Variants in CACNA2D3 observed in about 807,000 individuals in gnomAD.
CACNA2D3 encodes the protein voltage-dependent calcium channel subunit alpha-2/delta-3.
A neutral mutation model predicts 160.6 loss-of-function variants in CACNA2D3; 60 were observed. That is an observed-to-expected ratio of 0.37 (90% CI 0.30 to 0.46). The LOEUF is 0.46. Among genes scored for constraint, CACNA2D3 ranks in the 20% least tolerant of loss-of-function variants. CACNA2D3 has a pLI of 1.00. For synonymous variants in CACNA2D3, 558 were observed against 492.9 expected (o/e 1.13, Z -1.75); for missense variants, 1,205 against 1,365.0 (o/e 0.88, Z 1.85).
At chr3:54,425,120 A>G (rs1260053343) in intron 4 of CACNA2D3, among the ~76,000 whole-genome samples, 1 of 152,224 alleles carries the variant, frequency 6.6e-6, no homozygotes, top group East Asian at 1.9e-4. Flanking sequence ...GCCTGAGGTC[A>G]GGAGTTCGAG....
At chr3:54,429,179 T>G (rs912020184) in intron 4 of CACNA2D3, among the ~76,000 whole-genome samples, 23 of 151,530 alleles carry the variant, frequency 1.5e-4, no homozygotes, top group Non-Finnish European at 7.4e-5. Context: ...ATGAGCTACA[T>G]TTTTTTCCCC....
chr3:54,544,721 A>G (rs879738711), intron 5 of CACNA2D3, among the ~76,000 whole-genome samples: 6 of 152,168 alleles, frequency 3.9e-5, no homozygotes, highest in South Asian at 2.1e-4. Context: ...TAAAATTTTT[A>G]CTTTGTAACC....
chr3:54,792,655 A>G (rs75088635), intron 13 of CACNA2D3, among the ~76,000 whole-genome samples: 6,073 of 152,146 alleles, frequency 0.04, 200 homozygotes, highest in Non-Finnish European at 0.056. Context: ...TTATCCTACC[A>G]GTATAGCCCT....
intron 2 of CACNA2D3, among the ~76,000 whole-genome samples, chr3:54,208,131 G>C (rs1701305093): frequency 6.6e-6 from 1 of 152,202 alleles, no homozygotes. Context: ...TTGAGATGGA[G>C]TTTTGCTCTT....
At chr3:54,631,303 GCA>G (rs201508907) in intron 10 of CACNA2D3, among the ~76,000 whole-genome samples, 1,723 of 152,102 alleles carry the variant, frequency 0.011, 114 homozygotes, top group Admixed American at 0.1. Flanking sequence ...TTGTTTGAGT[GCA>G]CATTTATCTC....
intron 11 of CACNA2D3, among the ~76,000 whole-genome samples, chr3:54,735,773 A>G (rs1306158717): frequency 6.6e-6 from 1 of 151,706 alleles, no homozygotes; most frequent in Non-Finnish European, 1.5e-5. Context: ...TCCTCTGTAA[A>G]TTTTTATTAA....
intron 4 of CACNA2D3, among the ~76,000 whole-genome samples, chr3:54,465,479 T>G (rs1384732633): frequency 2.6e-5 from 4 of 152,192 alleles, no homozygotes; most frequent in Non-Finnish European, 5.9e-5. Flanking sequence ...AAAAACATAG[T>G]GTATACAGGG....
intron 13 of CACNA2D3, among the ~76,000 whole-genome samples, chr3:54,802,704 A>G (rs4630912): frequency 0.26 from 38,828 of 151,822 alleles, 5,214 homozygotes; most frequent in African/African-American, 0.33. Flanking sequence ...GAAGAGAGCA[A>G]TGGTTCTCCC....
At position 54,675,377 on chromosome 3, in the gene CACNA2D3, G is replaced by A. The variant is rs1212306162; in HGVS notation, c.1167+33136G>A. On this transcript the variant is annotated intron_variant, in intron 11 of 37. Transcript: ENST00000474759. ...ACACAAGGAGTTTGGGACAACAAAG[G>A]AACGGCTGGACAGAGGCAGTCATGT... Among the ~76,000 whole-genome samples, 3 of 152,206 alleles carry A rather than the reference G, an allele frequency of 2.0e-5. No individual in the cohort carries two copies. The South Asian group carries it at 6.2e-4, about 31-fold the overall frequency.
intron 11 of CACNA2D3, among the ~76,000 whole-genome samples, chr3:54,668,794 T>C (rs539777056): frequency 9.5e-4 from 144 of 151,806 alleles, no homozygotes; most frequent in African/African-American, 3.1e-3. Context: ...TCATGCAGCC[T>C]GGAAGGCCGT....
At chr3:54,155,966 G>T (rs759679514) in intron 2 of CACNA2D3, among the ~76,000 whole-genome samples, 22 of 152,174 alleles carry the variant, frequency 1.4e-4, no homozygotes, top group Admixed American at 2.6e-4. Flanking sequence ...CTTTTCAACT[G>T]AGGTTTTACC....
At chr3:54,709,795 A>T (rs1436862357) in intron 11 of CACNA2D3, among the ~76,000 whole-genome samples, 1 of 152,142 alleles carries the variant, frequency 6.6e-6, no homozygotes, top group Non-Finnish European at 1.5e-5. Context: ...AAATGATGGC[A>T]TGTGCCTGTG....
intron 5 of CACNA2D3, among the ~76,000 whole-genome samples, chr3:54,558,387 C>CT (rs1443166388): frequency 1.3e-5 from 2 of 151,914 alleles, no homozygotes; most frequent in Admixed American, 1.3e-4. Context: ...GTTTAACCTT[C>CT]TAAACAGGTC....
At chr3:54,710,777 A>G (rs1700938638) in intron 11 of CACNA2D3, among the ~76,000 whole-genome samples, 1 of 152,224 alleles carries the variant, frequency 6.6e-6, no homozygotes. Context: ...CATTGAGTGT[A>G]GTGGGAATAC....
chr3:54,163,244 A>T (rs1700382654), intron 2 of CACNA2D3, among the ~76,000 whole-genome samples: 1 of 152,234 alleles, frequency 6.6e-6, no homozygotes, highest in African/African-American at 2.4e-5. Context: ...ACCAAATCTC[A>T]GTGTCCTACA....
At chr3:54,760,734 A>G (rs1702066585) in intron 12 of CACNA2D3, among the ~76,000 whole-genome samples, 1 of 152,084 alleles carries the variant, frequency 6.6e-6, no homozygotes, top group Non-Finnish European at 1.5e-5. Context: ...CTGGTGTATT[A>G]CATATGGGGT....
intron 17 of CACNA2D3, among the ~76,000 whole-genome samples, chr3:54,846,859 A>AAATTAGACCCAAG (rs1247504121): frequency 6.6e-6 from 1 of 152,210 alleles, no homozygotes; most frequent in Non-Finnish European, 1.5e-5. Context: ...TTGACACGAT[A>AAATTAGACCCAAG]AATTAGACCC....
intron 13 of CACNA2D3, among the ~76,000 whole-genome samples, chr3:54,764,991 C>T (rs1702193023): frequency 6.6e-6 from 1 of 151,996 alleles, no homozygotes; most frequent in African/African-American, 2.4e-5. Context: ...TATGTAATCT[C>T]AGGGTGATTT....
At chr3:54,507,473 C>G (rs1188683427) in intron 5 of CACNA2D3, among the ~76,000 whole-genome samples, 3 of 152,186 alleles carry the variant, frequency 2.0e-5, no homozygotes, top group Admixed American at 6.5e-5. Flanking sequence ...CTTGTGCCCC[C>G]TTTACCCCTG....
Sources: allele counts gnomAD v4.1 joint callset (sites outside exome capture counted in the v4.1 genomes callset), GRCh38; gene constraint gnomAD v4.1.1; transcripts MANE v1.5; gene names NCBI Gene and HGNC (gene_info 2026-07-23, HGNC 2026-07-21).